Variants in VWA3A observed in about 807,000 individuals in gnomAD.
The protein encoded by VWA3A is von Willebrand factor A domain containing 3A.
A neutral mutation model predicts 160.4 loss-of-function variants in VWA3A; 134 were observed. The ratio of observed to expected loss-of-function variants is 0.84; its 90% confidence interval spans 0.73 to 0.96. The LOEUF is 0.96. Ranked by LOEUF, VWA3A falls within the 40% of genes least tolerant of loss-of-function variation. The pLI is 0.00. For synonymous variants in VWA3A, 476 were observed against 543.4 expected, an observed-to-expected ratio of 0.88 and a Z score of 1.72; for missense variants, 1,310 against 1,447.9, an observed-to-expected ratio of 0.90 and a Z score of 1.55.
Position 22,126,274 on chromosome 16 carries a change from C to T in VWA3A, c.1629C>T (p.Asn543=), listed in dbSNP as rs1263353632. The T allele has an allele frequency of 2.5e-6, 4 of 1,613,938 alleles. No individual in the cohort carries two copies. Among genetic ancestry groups the T allele is most frequent in the East Asian group, 4.5e-5 (2 of 44,880 alleles). ...TGCTGCTGGAGGAGCAGTTATCCAACAAGGACTGTTTCAACCTCATCGCGT... is the reference window on the plus strand; with the variant it reads ...TGCTGCTGGAGGAGCAGTTATCCAATAAGGACTGTTTCAACCTCATCGCGT... The part of the protein sequence containing the change: ...LRLLLEEQLS[N]KDCFNLIAFG... The change falls in exon 17 of 34, where the codon AAC becomes AAT. Residue 543 remains asparagine, a synonymous_variant. Transcript: ENST00000389398.
chr16:22,120,678 T>C (rs532684316), intron 12 of VWA3A, among the ~76,000 whole-genome samples: 1 of 152,308 alleles, frequency 6.6e-6, no homozygotes, highest in African/African-American at 2.4e-5. Flanking sequence ...AGGGGTGACC[T>C]GTCACCTTGG....
intron 31 of VWA3A, among the ~76,000 whole-genome samples, chr16:22,154,960 C>CAAAAAA (rs747770335): frequency 3.7e-5 from 2 of 54,432 alleles, no homozygotes; most frequent in Non-Finnish European, 7.6e-5. Context: ...GACTCCGTCT[C>CAAAAAA]AAAAAAAAAA....
At position 22,146,341 on chromosome 16, in the gene VWA3A, T is replaced by C; in HGVS notation, c.2836T>C (p.Ser946Pro). The C allele has an allele frequency of 6.2e-7, 1 of 1,612,462 alleles. No homozygotes were observed. Among genetic ancestry groups the C allele is most frequent in the Admixed American group, 1.7e-5 (1 of 59,908 alleles). Residue 946 changes from serine to proline, a missense_variant, in exon 27 of 34, where the codon TCC (serine) becomes CCC (proline). Transcript: ENST00000389398. ...TGTCCAGAGGCTGCAGTGGCTGCTG[T>C]CCGGTGAGCCTGCCCACTGCCCTGA... ...RYVQRLQWLL[S>P]GSRRLFGTVL...
intron 22 of VWA3A, among the ~76,000 whole-genome samples, chr16:22,138,935 G>C (rs914644012): frequency 3.3e-5 from 5 of 152,072 alleles, no homozygotes; most frequent in African/African-American, 1.2e-4. Context: ...GAGCCTGCTA[G>C]GGGCTTATCC....
intron 18 of VWA3A, 44 bp downstream of exon 18, chr16:22,131,323 G>T: frequency 6.2e-7 from 1 of 1,602,312 alleles, no homozygotes; most frequent in South Asian, 1.1e-5. Context: ...TCTGAGGGAA[G>T]GTTTGCAGGC....
At chr16:22,122,804 C>T (rs1381115242) in intron 14 of VWA3A, among the ~76,000 whole-genome samples, 2 of 152,108 alleles carry the variant, frequency 1.3e-5, no homozygotes, top group South Asian at 2.1e-4. Flanking sequence ...AAAAGCCTCT[C>T]GGGAAAACAG....
intron 8 of VWA3A, among the ~76,000 whole-genome samples, chr16:22,113,983 C>A (rs2045594613): frequency 6.6e-6 from 1 of 150,868 alleles, no homozygotes; most frequent in Non-Finnish European, 1.5e-5. Flanking sequence ...AATTATATTT[C>A]TATAATTAGA....
At chr16:22,134,520 G>A (rs2046006782) in intron 21 of VWA3A, 82 bp downstream of exon 21, 1 of 1,258,670 alleles carries the variant, frequency 7.9e-7, no homozygotes, top group Admixed American at 2.4e-5. Context: ...CAAACTGGGT[G>A]GCTTAAAATA....
chr16:22,126,028 G>A (rs755939162), intron 16 of VWA3A, 150 bp from the exon 17 acceptor site: 66 of 1,049,498 alleles, frequency 6.3e-5, no homozygotes, highest in East Asian at 3.0e-4. Context: ...GCCCACATCC[G>A]TTGGCCTCAA....
chr16:22,093,801 A>G (rs576453902), intron 1 of VWA3A, among the ~76,000 whole-genome samples: 9 of 152,172 alleles, frequency 5.9e-5, no homozygotes, highest in South Asian at 2.1e-4. Context: ...GTCTCACTCC[A>G]ACACCCAGGC....
At chr16:22,097,766 T>C in intron 3 of VWA3A, 71 bp downstream of exon 3, 2 of 1,523,368 alleles carry the variant, frequency 1.3e-6, no homozygotes, top group Non-Finnish European at 1.8e-6. Context: ...TGTGTTAAAT[T>C]CTGGGGATTT....
chr16:22,106,080 G>T (rs2045478874), intron 6 of VWA3A, among the ~76,000 whole-genome samples: 1 of 152,120 alleles, frequency 6.6e-6, no homozygotes, highest in South Asian at 2.1e-4. Context: ...GGTGGAACAG[G>T]ACTATTTAAA....
chr16:22,123,675 C>A lies in VWA3A; in HGVS notation c.1500C>A (p.Ser500Arg). 5 of 1,613,750 alleles carry A rather than the reference C, an allele frequency of 3.1e-6. No homozygotes were observed. Among genetic ancestry groups the A allele is most frequent in the Non-Finnish European group, 4.2e-6 (5 of 1,179,758 alleles). Residue 500 changes from serine to arginine, a missense_variant, in exon 16 of 34, where the codon AGC (serine) becomes AGA (arginine). Transcript: ENST00000389398. ...GGATTGAGTGGCTCTCCCTGGCCAG[C>A]AGAAGAATCTGGGGCACAGTCTGTG... ...ERRIEWLSLASRRIWGTVCEK... is the reference protein window; with the variant it reads ...ERRIEWLSLARRRIWGTVCEK...
intron 3 of VWA3A, 89 bp from the exon 4 acceptor site, chr16:22,100,105 G>T: frequency 7.0e-7 from 1 of 1,422,280 alleles, no homozygotes; most frequent in East Asian, 2.5e-5. Context: ...GTCAGTCTGA[G>T]TTGGCGCCCG....
In VWA3A at chr16:22,138,479, T is replaced by A; in HGVS notation, c.2259T>A (p.Pro753=). The A allele has an allele frequency of 1.2e-6, 2 of 1,613,932 alleles. No individual in the cohort carries two copies. The highest frequency in any genetic ancestry group is 1.7e-6 in the Non-Finnish European group (2 of 1,179,872). The change falls in exon 22 of 34, where the codon CCT becomes CCA. Residue 753 remains proline (P), a synonymous_variant. Transcript: ENST00000389398. ...GAAGTCAGCCCAAGAAGCTCTGCCC[T>A]CCCAGGCCCACCGTCCCCCTGGGGG... ...QLRSQPKKLC[P]PRPTVPLGAR...
At chr16:22,155,439 G>T (rs1454895680) in intron 31 of VWA3A, 128 bp from the exon 32 acceptor site, 1 of 781,498 alleles carries the variant, frequency 1.3e-6, no homozygotes, top group Admixed American at 2.1e-5. Flanking sequence ...TATACAAGCA[G>T]AGGCTCACAA....
At chr16:22,147,721 G>T in intron 27 of VWA3A, 1 of 699,124 alleles carries the variant, frequency 1.4e-6, no homozygotes, top group South Asian at 1.5e-5. Context: ...CATTACCCCT[G>T]GGAACGGTGA....
intron 25 of VWA3A, among the ~76,000 whole-genome samples, chr16:22,142,971 G>A (rs1339623330): frequency 1.3e-5 from 2 of 151,994 alleles, no homozygotes; most frequent in Non-Finnish European, 2.9e-5. Flanking sequence ...CCAACATGGT[G>A]AAACCCCATC....
chr16:22,125,384 AAT>A (rs1024451274), intron 16 of VWA3A, among the ~76,000 whole-genome samples: 1 of 149,748 alleles, frequency 6.7e-6, no homozygotes, highest in Non-Finnish European at 1.5e-5. Flanking sequence ...AGACCGTCTA[AAT>A]ATATATATAT....
Sources: gnomAD v4.1 joint callset for allele counts (sites outside exome capture counted in the v4.1 genomes callset) on GRCh38, gnomAD v4.1.1 for gene constraint, MANE v1.5 for transcripts, NCBI Gene and HGNC (gene_info 2026-07-23, HGNC 2026-07-21) for gene names.